The following LARP4B variants were observed in gnomAD, a reference collection of about 807,000 sequenced individuals.
The protein encoded by LARP4B is la-related protein 4B.
Under a neutral mutation model 89.8 loss-of-function variants are expected in LARP4B, and 12 were observed. The observed-to-expected ratio is 0.13, with a 90% CI of 0.09 to 0.22. LARP4B has a LOEUF of 0.22. Ranked by LOEUF, LARP4B falls within the 10% of genes least tolerant of loss-of-function variation. LARP4B has a pLI of 1.00. For synonymous variants in LARP4B, 367 were observed against 363.3 expected (o/e 1.01, Z -0.12); for missense variants, 757 against 947.7 (o/e 0.80, Z 2.64).
intron 6 of LARP4B, among the ~76,000 whole-genome samples, chr10:844,425 C>A (rs1167208188): frequency 6.6e-6 from 1 of 152,218 alleles, no homozygotes; most frequent in African/African-American, 2.4e-5. Context: ...ATCCTCAGGG[C>A]TCCAGAGAAA....
At chr10:935,635 A>C (rs967391632), upstream of LARP4B, among the ~76,000 whole-genome samples, 2 of 152,076 alleles carry the variant, frequency 1.3e-5, no homozygotes, top group African/African-American at 4.8e-5. Context: ...TACCAAACAA[A>C]TACAGCATGT....
At chr10:919,535 A>G (rs1266448810) in intron 1 of LARP4B, among the ~76,000 whole-genome samples, 1 of 152,188 alleles carries the variant, frequency 6.6e-6, no homozygotes, top group Non-Finnish European at 1.5e-5. Flanking sequence ...TCTGAATTAC[A>G]AGTCCAATAC....
chr10:887,270 G>C (rs1424540404), intron 1 of LARP4B, among the ~76,000 whole-genome samples: 1 of 152,128 alleles, frequency 6.6e-6, no homozygotes, highest in Admixed American at 6.5e-5. Context: ...GAAACTTGCT[G>C]AGAGTATATT....
At chr10:866,643 T>TCAC (rs1057089618) in intron 3 of LARP4B, among the ~76,000 whole-genome samples, 1 of 152,216 alleles carries the variant, frequency 6.6e-6, no homozygotes, top group African/African-American at 2.4e-5. Flanking sequence ...CAGTCTGTTT[T>TCAC]CACCACCACC....
At position 820,874 on chromosome 10, in the gene LARP4B, AT is replaced by A. The variant is rs773993108; in HGVS notation, c.1485-30del. 6.2e-6 allele frequency: 10 copies of A among 1,605,130 alleles called. No homozygotes were observed. The African/African-American group carries it at 1.1e-4, about 17-fold the overall frequency. The stretch of plus-strand genomic sequence containing the variant: ...GAGGAGTGGAAAGTGAAAGACTGTT[AT>A]TTTTTTCCCACTTGGAGAATTTATT... On this transcript the variant is annotated intron_variant, in intron 13 of 17. Transcript: ENST00000316157.
At chr10:860,813 T>C (rs1012441648) in intron 5 of LARP4B, among the ~76,000 whole-genome samples, 10 of 151,990 alleles carry the variant, frequency 6.6e-5, no homozygotes, top group African/African-American at 1.7e-4. Flanking sequence ...ATCTTTTTTT[T>C]TAAAGAGAAA....
At chr10:980,215 C>T in the LARP4B span, among the ~76,000 whole-genome samples, 5 of 152,216 alleles carry the variant, frequency 3.3e-5, no homozygotes. Context: ...CAGGGTTCAG[C>T]CCCCTGGGCT....
At chr10:941,615 C>T in the LARP4B span, among the ~76,000 whole-genome samples, 1 of 152,234 alleles carries the variant, frequency 6.6e-6, no homozygotes, top group Non-Finnish European at 1.5e-5. Flanking sequence ...GCCACTGCAC[C>T]CGGCCTGATC....
At chr10:909,248 C>A (rs931814764) in intron 1 of LARP4B, among the ~76,000 whole-genome samples, 10 of 146,992 alleles carry the variant, frequency 6.8e-5, no homozygotes, top group Admixed American at 2.8e-4. Flanking sequence ...GAGCCGAGAT[C>A]GCGCCACTGC....
In LARP4B at chr10:813,165, C is replaced by G; in HGVS notation, c.1978G>C (p.Glu660Gln). The G allele has an allele frequency of 6.2e-7, 1 of 1,613,746 alleles. No individual in the cohort carries two copies. The highest frequency in any genetic ancestry group is 8.5e-7 in the Non-Finnish European group (1 of 1,179,928). Residue 660 changes from glutamate (E) to glutamine (Q), a missense_variant, in exon 18 of 18, where the codon GAG (glutamate) becomes CAG (glutamine). By Grantham distance (29) the Glu-to-Gln change is conservative (BLOSUM62 2). Transcript: ENST00000316157. ...YAEICQRTSK[E>Q]PPSSPLQPQK... The stretch of plus-strand genomic sequence containing the variant: ...GGTTGCAATGGGGAAGAAGGAGGCT[C>G]TTTACTCGTTCTCTGACAAATCTCT...
chr10:945,554 G>A, the LARP4B span, among the ~76,000 whole-genome samples: 6 of 152,198 alleles, frequency 3.9e-5, no homozygotes, highest in African/African-American at 1.2e-4. Flanking sequence ...CGGGCATGGT[G>A]GCGGGCGCCT....
chr10:971,601 G>A, the LARP4B span: 1 of 152,146 alleles, frequency 6.6e-6, no homozygotes, highest in African/African-American at 2.4e-5. Context: ...CTGTACTGGA[G>A]GAACTCTCCT....
At chr10:817,477 G>A (rs969449073) in intron 15 of LARP4B, among the ~76,000 whole-genome samples, 4 of 152,194 alleles carry the variant, frequency 2.6e-5, no homozygotes, top group African/African-American at 4.8e-5. Context: ...GAGAAAGGGT[G>A]TGTACGGCAC....
At chr10:853,895 T>C (rs533336470) in intron 5 of LARP4B, among the ~76,000 whole-genome samples, 47 of 152,168 alleles carry the variant, frequency 3.1e-4, no homozygotes, top group Non-Finnish European at 6.3e-4. Flanking sequence ...ACCAAAGATT[T>C]CTCTGCAGCG....
intron 1 of LARP4B, chr10:903,407 T>C (rs1564438715): frequency 1.3e-5 from 2 of 152,222 alleles, no homozygotes; most frequent in Admixed American, 6.5e-5. Context: ...CCTTAAGGAA[T>C]TGCATATATA....
the LARP4B span, among the ~76,000 whole-genome samples, chr10:967,078 G>T: frequency 9.8e-5 from 15 of 152,334 alleles, no homozygotes; most frequent in East Asian, 1.7e-3. Flanking sequence ...GGCCTCCCCC[G>T]GGATCACGGA....
chr10:827,388 C>T (rs145768695), intron 11 of LARP4B, among the ~76,000 whole-genome samples: 24 of 152,248 alleles, frequency 1.6e-4, no homozygotes, highest in African/African-American at 2.6e-4. Flanking sequence ...AGTCATTTTA[C>T]AGACAGAGCC....
intron 1 of LARP4B, among the ~76,000 whole-genome samples, chr10:913,436 T>C (rs898289488): frequency 1.3e-5 from 2 of 152,152 alleles, no homozygotes; most frequent in Admixed American, 6.6e-5. Flanking sequence ...AAATAGAAAC[T>C]CAAATGTCTT....
intron 15 of LARP4B, among the ~76,000 whole-genome samples, chr10:817,504 C>T (rs1322865174): frequency 6.6e-6 from 1 of 152,204 alleles, no homozygotes. Flanking sequence ...GCACACGTTT[C>T]TACCTCTGAC....
Sources: allele counts gnomAD v4.1 joint callset (sites outside exome capture counted in the v4.1 genomes callset), GRCh38; gene constraint gnomAD v4.1.1; transcripts MANE v1.5; gene names NCBI Gene and HGNC (gene_info 2026-07-23, HGNC 2026-07-21).